Variants in ZNF503 observed in about 807,000 individuals in gnomAD.
ZNF503 encodes zinc finger protein 503.
In ZNF503, 15 loss-of-function variants were observed where a neutral mutation model predicts 34.4. The observed-to-expected ratio is 0.44, with a 90% confidence interval of 0.29 to 0.67. ZNF503 has a LOEUF of 0.67. ZNF503 is among the 30% of genes least tolerant of loss of function. ZNF503 has a pLI of 0.13. For synonymous variants in ZNF503, 580 were observed against 456.8 expected, an observed-to-expected ratio of 1.27 and a Z score of -3.44; for missense variants, 1,007 against 926.8, an observed-to-expected ratio of 1.09 and a Z score of -1.12.
chr10:75,298,079 C>G, the ZNF503 span, among the ~76,000 whole-genome samples: 6 of 152,150 alleles, frequency 3.9e-5, no homozygotes, highest in Non-Finnish European at 8.8e-5. Context: ...TTCCATCATC[C>G]CAAAGAATCC....
At chr10:75,301,275 C>T in the ZNF503 span, among the ~76,000 whole-genome samples, 1 of 152,106 alleles carries the variant, frequency 6.6e-6, no homozygotes, top group Non-Finnish European at 1.5e-5. Context: ...CAGTCTTGCT[C>T]TGTTGCCCAG....
chr10:75,369,093 T>C, the ZNF503 span, among the ~76,000 whole-genome samples: 1 of 152,212 alleles, frequency 6.6e-6, no homozygotes, highest in Non-Finnish European at 1.5e-5. Context: ...CATTATTAAG[T>C]GGGGGGAAAA....
chr10:75,349,919 T>G, the ZNF503 span, among the ~76,000 whole-genome samples: 6 of 152,236 alleles, frequency 3.9e-5, no homozygotes, highest in African/African-American at 1.2e-4. Flanking sequence ...AATATACATC[T>G]GTGGGCCCTG....
chr10:75,302,306 T>G, the ZNF503 span, among the ~76,000 whole-genome samples: 1 of 152,220 alleles, frequency 6.6e-6, no homozygotes, highest in Non-Finnish European at 1.5e-5. Context: ...TTCTTTGTCT[T>G]AGGCTTTCAA....
chr10:75,397,418 G>T (rs1227638834), downstream of ZNF503, among the ~76,000 whole-genome samples: 1 of 152,088 alleles, frequency 6.6e-6, no homozygotes, highest in African/African-American at 2.4e-5. Flanking sequence ...CGTCCCCGAG[G>T]CCCCGGCCCA....
the ZNF503 span, among the ~76,000 whole-genome samples, chr10:75,386,095 G>A: frequency 6.6e-6 from 1 of 152,160 alleles, no homozygotes; most frequent in Non-Finnish European, 1.5e-5. Flanking sequence ...CTGGCACATG[G>A]AACAACGAGA....
At chr10:75,379,226 G>A in the ZNF503 span, among the ~76,000 whole-genome samples, 15 of 152,230 alleles carry the variant, frequency 9.9e-5, no homozygotes, top group South Asian at 1.0e-3. Flanking sequence ...AGCCTGGCGC[G>A]GAGTGAAATG....
the ZNF503 span, among the ~76,000 whole-genome samples, chr10:75,294,411 C>G: frequency 6.6e-6 from 1 of 152,188 alleles, no homozygotes. Context: ...CTCCCTTTCC[C>G]TAAGGGCCTG....
In ZNF503 at chr10:75,399,206, A is replaced by T. The variant is rs1420144679; in HGVS notation, c.1484T>A (p.Leu495Gln). The T allele has an allele frequency of 6.3e-7, 1 of 1,597,374 alleles. No individual in the cohort carries two copies. Among genetic ancestry groups the T allele is most frequent in the Non-Finnish European group, 8.5e-7 (1 of 1,170,532 alleles). Reference sequence around the variant, plus strand: ...GTAGGGGTAGAGGGGGTGGCCGGCCAGGGAGGGCGGTGTGGCGCCAGCAGC... The same window carrying T: ...GTAGGGGTAGAGGGGGTGGCCGGCCTGGGAGGGCGGTGTGGCGCCAGCAGC... ...AAAAGATPPS[L>Q]AGHPLYPYGF... The change falls in exon 2 of 2, where the codon CTG becomes CAG. Residue 495 changes from leucine to glutamine, a missense_variant. By Grantham distance (113) the Leu-to-Gln change is moderately radical (BLOSUM62 -2). Transcript: ENST00000372524.
the ZNF503 span, among the ~76,000 whole-genome samples, chr10:75,354,878 C>A: frequency 6.6e-6 from 1 of 152,186 alleles, no homozygotes; most frequent in South Asian, 2.1e-4. Flanking sequence ...TGGAGTCTCA[C>A]TCTATCGCCC....
the ZNF503 span, among the ~76,000 whole-genome samples, chr10:75,330,101 A>G: frequency 6.6e-6 from 1 of 152,174 alleles, no homozygotes; most frequent in East Asian, 1.9e-4. Context: ...CTCTGCATCT[A>G]TTGAGATGAT....
the ZNF503 span, among the ~76,000 whole-genome samples, chr10:75,301,196 T>C: frequency 6.6e-6 from 1 of 152,196 alleles, no homozygotes; most frequent in Non-Finnish European, 1.5e-5. Context: ...TTTTAGTCTA[T>C]TCCCTTTTAA....
the ZNF503 span, among the ~76,000 whole-genome samples, chr10:75,326,900 G>C: frequency 1.2e-3 from 183 of 151,914 alleles, no homozygotes; most frequent in Non-Finnish European, 2.3e-3. Context: ...GGCCAGGCTG[G>C]TCTCCAACTC....
the ZNF503 span, chr10:75,283,766 T>G: frequency 2.0e-5 from 3 of 152,256 alleles, no homozygotes; most frequent in Non-Finnish European, 4.4e-5. Context: ...TCTAATGCAG[T>G]CGGCTGGGAT....
At chr10:75,361,403 C>A in the ZNF503 span, 1 of 152,150 alleles carries the variant, frequency 6.6e-6, no homozygotes, top group Non-Finnish European at 1.5e-5. Flanking sequence ...CCAGTCTCAG[C>A]CCTCTGAGAA....
chr10:75,377,861 G>A, the ZNF503 span, among the ~76,000 whole-genome samples: 1 of 152,094 alleles, frequency 6.6e-6, no homozygotes, highest in South Asian at 2.1e-4. Context: ...GAGTTTTATT[G>A]GCTCACAGTT....
the ZNF503 span, among the ~76,000 whole-genome samples, chr10:75,300,420 A>G: frequency 6.6e-6 from 1 of 152,192 alleles, no homozygotes; most frequent in Non-Finnish European, 1.5e-5. Flanking sequence ...CATCCTCCTC[A>G]GTTTACGAAA....
chr10:75,313,301 C>T, the ZNF503 span, among the ~76,000 whole-genome samples: 88 of 152,250 alleles, frequency 5.8e-4, no homozygotes, highest in African/African-American at 2.0e-3. Context: ...CACTGAGCAA[C>T]AAATCCAATA....
chr10:75,389,246 G>A, the ZNF503 span, among the ~76,000 whole-genome samples: 3 of 152,110 alleles, frequency 2.0e-5, no homozygotes, highest in Admixed American at 6.5e-5. Context: ...TTCCAGCAAC[G>A]GGACAACCAA....
Sources: gnomAD v4.1 joint callset for allele counts (sites outside exome capture counted in the v4.1 genomes callset) on GRCh38, gnomAD v4.1.1 for gene constraint, MANE v1.5 for transcripts, NCBI Gene and HGNC (gene_info 2026-07-23, HGNC 2026-07-21) for gene names.